CTBS: variants seen among roughly 807,000 people sequenced by gnomAD.
CTBS encodes the protein di-N-acetylchitobiase.
In CTBS, 35 loss-of-function variants were observed where a neutral mutation model predicts 44.3. The ratio of observed to expected loss-of-function variants is 0.79; its 90% CI spans 0.60 to 1.05. The LOEUF (loss-of-function observed/expected upper bound fraction) is 1.05. CTBS is among the 50% of genes least tolerant of loss of function. CTBS has a pLI of 0.00. For synonymous variants in CTBS, 143 were observed against 168.0 expected (o/e 0.85, Z 1.15); for missense variants, 458 against 475.3 (o/e 0.96, Z 0.34).
At chr1:84,571,984 C>T (rs887400666) in intron 1 of CTBS, among the ~76,000 whole-genome samples, 10 of 152,172 alleles carry the variant, frequency 6.6e-5, no homozygotes, top group Non-Finnish European at 5.9e-5. Flanking sequence ...GCACAGAAAT[C>T]CTGCAAGTAT....
intron 6 of CTBS, among the ~76,000 whole-genome samples, chr1:84,557,723 T>C (rs1478574177): frequency 1.3e-5 from 2 of 150,714 alleles, no homozygotes; most frequent in Non-Finnish European, 3.0e-5. Context: ...CCAGGCTTGG[T>C]GGCGGGCACC....
intron 6 of CTBS, among the ~76,000 whole-genome samples, chr1:84,558,704 C>A (rs1272431705): frequency 6.6e-6 from 1 of 151,460 alleles, no homozygotes; most frequent in Non-Finnish European, 1.5e-5. Context: ...AGTTCAAGAC[C>A]AGCCTGGGCA....
At position 84,553,940 on chromosome 1, in the gene CTBS, T is replaced by C. The variant is rs1168056362; in HGVS notation, c.*1059A>G. On this transcript the variant is annotated 3_prime_UTR_variant, in exon 7 of 7. Coordinates refer to ENST00000370630, the MANE Select transcript of CTBS (RefSeq NM_004388.3). ...ATTTAGAAAACTTATTTGTATAAAA[T>C]TGATCTTTTAGAAAGAGAACTAGTT... is the stretch of plus-strand genomic sequence containing the variant. 6.6e-6 allele frequency: 1 copy of C among 152,168 alleles called. No individual in the cohort carries two copies. Among genetic ancestry groups the C allele is most frequent in the African/African-American group, 2.4e-5 (1 of 41,444 alleles). 9.4% of individuals were successfully genotyped at this position (152,168 alleles called of 1,614,324 possible). A position where few individuals can be genotyped will look rare whatever the true frequency, so the allele number is the denominator to read the frequency against.
At chr1:84,572,069 T>G (rs140311921) in intron 1 of CTBS, among the ~76,000 whole-genome samples, 1 of 152,280 alleles carries the variant, frequency 6.6e-6, no homozygotes, top group East Asian at 1.9e-4. Flanking sequence ...GAAGATGTTG[T>G]ATTTTATCTT....
chr1:84,552,663 T>C lies in CTBS; in HGVS notation c.*2336A>G, dbSNP rs60419306. On this transcript the variant is annotated 3_prime_UTR_variant, in exon 7 of 7. Transcript: ENST00000370630. ...GTTCCTAAGGGCTAGGAATTAAGGG[T>C]TTTTTTTGTATTTTGTTTTCTTGTT... The C allele has an allele frequency of 6.2e-6, 1 of 162,324 alleles. No individual in the cohort carries two copies. The highest frequency in any genetic ancestry group is 2.4e-5 in the African/African-American group (1 of 41,498). 10.1% of individuals were successfully genotyped at this position (162,324 alleles called of 1,614,324 possible). A position where few individuals can be genotyped will look rare whatever the true frequency, so the allele number is the denominator to read the frequency against.
At chr1:84,563,208 A>C (rs376933472) in intron 6 of CTBS, 49 bp downstream of exon 6, 4 of 1,243,618 alleles carry the variant, frequency 3.2e-6, no homozygotes, top group Non-Finnish European at 4.2e-6. Flanking sequence ...TATGAAAATA[A>C]TTACAAAAAC....
rs140801221 is a variant in CTBS at position 84,561,015 on chromosome 1, A to T, written c.957+2242T>A. Among the ~76,000 whole-genome samples the T allele has an allele frequency of 1.6e-3, 248 of 152,356 alleles. 1 individual carries two copies. Among genetic ancestry groups the T allele is most frequent in the African/African-American group, 5.8e-3 (240 of 41,592 alleles). ...ACATCCATTCTGCAGCCCATGGAAC[A>T]AGGAGTAATTTCAACTTTTAACTCT... On this transcript the variant is annotated intron_variant, in intron 6 of 6. Coordinates refer to ENST00000370630, the MANE Select transcript of CTBS (RefSeq NM_004388.3).
intron 3 of CTBS, among the ~76,000 whole-genome samples, chr1:84,569,158 C>CA (rs755892954): frequency 4.6e-5 from 7 of 152,106 alleles, no homozygotes; most frequent in Non-Finnish European, 1.0e-4. Context: ...ACCCCGTCTT[C>CA]AAAAAAACTC....
At chr1:84,570,456 G>T (rs1305023864) in intron 2 of CTBS, 126 bp downstream of exon 2, 12 of 785,600 alleles carry the variant, frequency 1.5e-5, no homozygotes, top group Non-Finnish European at 2.4e-5. Flanking sequence ...CAGTATCTAA[G>T]ATTAATTATA....
chr1:84,558,533 C>T (rs1222417639), intron 6 of CTBS, among the ~76,000 whole-genome samples: 14 of 150,982 alleles, frequency 9.3e-5, no homozygotes, highest in African/African-American at 1.5e-4. Context: ...CCTCGTGATC[C>T]GCCCGCCTCA....
chr1:84,565,143 G>A (rs147839291), intron 4 of CTBS, among the ~76,000 whole-genome samples: 2,326 of 152,114 alleles, frequency 0.015, 56 homozygotes, highest in African/African-American at 0.052. Flanking sequence ...AGGCTGCAGT[G>A]AGCCCTGATC....
intron 3 of CTBS, among the ~76,000 whole-genome samples, chr1:84,568,801 CCT>C (rs1350319622): frequency 6.6e-6 from 1 of 152,050 alleles, no homozygotes; most frequent in Non-Finnish European, 1.5e-5. Context: ...ACCTCCCCAC[CCT>C]CTCTCTTTCT....
rs1258539451 is a variant in CTBS at position 84,555,186 on chromosome 1, T to C, written c.971A>G (p.His324Arg). The C allele has an allele frequency of 1.2e-6, 2 of 1,612,826 alleles. No individual in the cohort carries two copies. Among genetic ancestry groups the C allele is most frequent in the South Asian group, 1.1e-5 (1 of 90,954 alleles). Residue 324 changes from histidine to arginine, a missense_variant, in exon 7 of 7, where the codon CAC becomes CGC. By Grantham distance (29) the His-to-Arg change is conservative. Transcript: ENST00000370630. The part of the protein sequence containing the change: ...PYYNYKDPAG[H>R]FHQVWYDNPQ... ...GTTATCATACCATACTTGATGAAAGTGGCCAGCAGGATCCTATATAAATAA... is the reference window on the plus strand; with the variant it reads ...GTTATCATACCATACTTGATGAAAGCGGCCAGCAGGATCCTATATAAATAA...
chr1:84,570,872 G>A (rs1647281346), intron 1 of CTBS, 152 bp from the exon 2 acceptor site: 3 of 652,210 alleles, frequency 4.6e-6, no homozygotes, highest in African/African-American at 1.9e-5. Flanking sequence ...GATAATTGGT[G>A]GCAGGGGTAA....
At position 84,554,775 on chromosome 1, in the gene CTBS, G is replaced by A. The variant is rs1279871046; in HGVS notation, c.*224C>T. 6 of 441,510 alleles carry A rather than the reference G, an allele frequency of 1.4e-5. No homozygotes were observed. Among genetic ancestry groups the A allele is most frequent in the Admixed American group, 7.9e-5 (2 of 25,362 alleles). 27.3% of individuals were successfully genotyped at this position (441,510 alleles called of 1,614,324 possible). The stretch of plus-strand genomic sequence containing the variant: ...AATTATAGTGTTGAAACATCTAATA[G>A]AGGAATATTTAATAGGTAAGTTGAC... On this transcript the variant is annotated 3_prime_UTR_variant, in exon 7 of 7. Transcript: ENST00000370630.
In CTBS at chr1:84,550,817, T is replaced by G; in HGVS notation, c.*4182A>C. On this transcript the variant is annotated 3_prime_UTR_variant, in exon 7 of 7. Coordinates refer to ENST00000370630, the MANE Select transcript of CTBS (RefSeq NM_004388.3). ...GAGTCAATATATTCTCAAAAAAAATTTTAAGTAGTTTTCCTGTATTAGAAT... is the reference window on the plus strand; with the variant it reads ...GAGTCAATATATTCTCAAAAAAAATGTTAAGTAGTTTTCCTGTATTAGAAT... The G allele has an allele frequency of 9.9e-7, 1 of 1,008,502 alleles. No individual in the cohort carries two copies. Among genetic ancestry groups the G allele is most frequent in the Non-Finnish European group, 1.2e-6 (1 of 844,276 alleles). 62.5% of individuals were successfully genotyped at this position (1,008,502 alleles called of 1,614,324 possible).
intron 1 of CTBS, chr1:84,573,968 G>A: frequency 7.4e-7 from 1 of 1,350,686 alleles, no homozygotes; most frequent in South Asian, 1.9e-5. Flanking sequence ...GCAGGGGAAT[G>A]AAAGGAGCTT....
At chr1:84,569,606 T>C (rs186312176) in intron 3 of CTBS, among the ~76,000 whole-genome samples, 105 of 152,266 alleles carry the variant, frequency 6.9e-4, no homozygotes, top group African/African-American at 2.4e-3. Flanking sequence ...TACTCCTGGG[T>C]TGTTTCTGTC....
rs1684392729 is a variant in CTBS, at chr1:84,555,193, C to A, written c.964G>T (p.Ala322Ser). The A allele has an allele frequency of 3.7e-6, 6 of 1,610,416 alleles. No individual in the cohort carries two copies. In the East Asian group the frequency reaches 1.3e-4, roughly 36 times the overall value. ...RAPYYNYKDP[A>S]GHFHQVWYDN... ...TACCATACTTGATGAAAGTGGCCAG[C>A]AGGATCCTATATAAATAAATTAAAA... is the stretch of plus-strand genomic sequence containing the variant. Residue 322 changes from alanine to serine, a missense_variant, in exon 7 of 7, where the codon GCT (alanine) becomes TCT (serine). Physicochemically the swap from Ala to Ser is moderately conservative, Grantham distance 99 (BLOSUM62 1). Coordinates refer to ENST00000370630, the MANE Select transcript of CTBS (RefSeq NM_004388.3).
Sources: gnomAD v4.1 joint callset for allele counts (sites outside exome capture counted in the v4.1 genomes callset) on GRCh38, gnomAD v4.1.1 for gene constraint, MANE v1.5 for transcripts, NCBI Gene and HGNC (gene_info 2026-07-23, HGNC 2026-07-21) for gene names.